Variants in ZNF83 observed in about 807,000 individuals in gnomAD.
The protein encoded by ZNF83 is zinc finger protein 816B.
For synonymous variants in ZNF83, 209 were observed against 213.0 expected, an observed-to-expected ratio of 0.98 and a Z score of 0.17; for missense variants, 552 against 629.9, an observed-to-expected ratio of 0.88 and a Z score of 1.32.
chr19:52,634,690 T>G (rs6509658), intron 2 of ZNF83, among the ~76,000 whole-genome samples: 100,725 of 152,026 alleles, frequency 0.66, 33,965 homozygotes, highest in African/African-American at 0.72. Context: ...TCGTGGACAT[T>G]AATACGTGAC....
At chr19:52,648,817 C>T (rs79838449) in intron 3 of ZNF83, among the ~76,000 whole-genome samples, 18,651 of 152,146 alleles carry the variant, frequency 0.12, 1,276 homozygotes, top group Admixed American at 0.13. Context: ...CTAGTCACTA[C>T]GGAGTCTGAC....
At position 52,650,256 on chromosome 19, in the gene ZNF83, TC is replaced by T. The variant is rs1555787667; in HGVS notation, c.-74+5304del. 7.0e-4 allele frequency among the ~76,000 whole-genome samples: 104 copies of T among 148,250 alleles called. 2 individuals carry two copies. Among genetic ancestry groups the T allele is most frequent in the South Asian group, 1.3e-3 (6 of 4,744 alleles). On this transcript the variant is annotated intron_variant, in intron 3 of 5. Transcript: ENST00000594682. ...GACCAAAACATGAGCTTGTTACTTTTCTTTCTTTTTTTTTTTTGAGACAGAG... is the reference window on the plus strand; with the variant it reads ...GACCAAAACATGAGCTTGTTACTTTTTTTCTTTTTTTTTTTTGAGACAGAG...
chr19:52,666,377 A>T (rs1314716470), intron 1 of ZNF83, among the ~76,000 whole-genome samples: 2 of 152,020 alleles, frequency 1.3e-5, no homozygotes, highest in East Asian at 3.9e-4. Context: ...CTTCTCCATG[A>T]CCCTATAACA....
intron 3 of ZNF83, chr19:52,654,076 T>A: frequency 6.3e-7 from 1 of 1,597,682 alleles, no homozygotes; most frequent in East Asian, 2.2e-5. Flanking sequence ...AATTTTCCCT[T>A]CAGTCTGAAA....
At chr19:52,632,376 C>T (rs2061000862) in intron 2 of ZNF83, among the ~76,000 whole-genome samples, 1 of 152,164 alleles carries the variant, frequency 6.6e-6, no homozygotes, top group Admixed American at 6.5e-5. Flanking sequence ...CAGGCCTGTC[C>T]TCAGAATGCT....
At chr19:52,612,788 C>A in exon 3 of ZNF83, 1 of 499,196 alleles carries the variant, frequency 2.0e-6, no homozygotes, top group East Asian at 3.2e-5. Context: ...AGGTTTCTCA[C>A]CAGCAAGAAT....
chr19:52,653,587 C>T (rs910656744), intron 3 of ZNF83, among the ~76,000 whole-genome samples: 2 of 151,136 alleles, frequency 1.3e-5, no homozygotes, highest in African/African-American at 2.4e-5. Flanking sequence ...TCCAGTATGA[C>T]GTCTACGATG....
Position 52,614,166 on chromosome 19 carries a change from T to C in ZNF83, c.399A>G (p.Lys133=), listed in dbSNP as rs202100992. ...TTCTTTGATGACTTGCAAGGTTTGA[T>C]TTTTTATTGAAGATCTTGCCACATA... Residue 133 remains lysine (K), a synonymous_variant, in exon 3 of 3, where the codon AAA becomes AAG. Transcript: ENST00000301096. 1.8e-4 allele frequency: 298 copies of C among 1,614,142 alleles called. 1 individual carries two copies. In the East Asian group the frequency reaches 5.0e-3, roughly 27 times the overall value.
At chr19:52,664,588 A>T (rs879325600) in intron 1 of ZNF83, among the ~76,000 whole-genome samples, 1 of 152,168 alleles carries the variant, frequency 6.6e-6, no homozygotes, top group African/African-American at 2.4e-5. Flanking sequence ...AGTCCACGCC[A>T]TCTGCTTCTG....
At chr19:52,667,340 A>G (rs943406366) in intron 1 of ZNF83, among the ~76,000 whole-genome samples, 3 of 152,134 alleles carry the variant, frequency 2.0e-5, no homozygotes, top group African/African-American at 7.2e-5. Context: ...GTTTGCAACA[A>G]TTCAGAAAGT....
intron 2 of ZNF83, among the ~76,000 whole-genome samples, chr19:52,631,248 G>A (rs143247744): frequency 0.11 from 16,755 of 151,800 alleles, 1,127 homozygotes; most frequent in South Asian, 0.23. Flanking sequence ...CCTGCTGATC[G>A]TGTCCAATTA....
upstream of ZNF83, among the ~76,000 whole-genome samples, chr19:52,640,483 T>A (rs1383149554): frequency 6.6e-6 from 1 of 152,150 alleles, no homozygotes; most frequent in African/African-American, 2.4e-5. Context: ...TCCCATGAGG[T>A]CTTATCTCTG....
At chr19:52,647,739 C>T (rs1219536221) in intron 3 of ZNF83, among the ~76,000 whole-genome samples, 1 of 151,686 alleles carries the variant, frequency 6.6e-6, no homozygotes, top group African/African-American at 2.4e-5. Flanking sequence ...TACCTCTATT[C>T]CTTCTCTTCC....
At chr19:52,690,112 G>A (rs2062126342) in intron 1 of ZNF83, among the ~76,000 whole-genome samples, 1 of 152,000 alleles carries the variant, frequency 6.6e-6, no homozygotes, top group Non-Finnish European at 1.5e-5. Context: ...AGGTGCCCAC[G>A]GCGGGAATCC....
chr19:52,681,280 C>CAAA lies in ZNF83; in HGVS notation c.-283+9160_-283+9162dup, dbSNP rs56916405. On this transcript the variant is annotated intron_variant, in intron 1 of 5. Coordinates refer to the ZNF83 transcript ENST00000594682. ...CCTGGGTGACAGAGTGAGACTTTCTCAAAAAAAAAAAAAAAAAAAAAGCAA... is the reference window on the plus strand; with the variant it reads ...CCTGGGTGACAGAGTGAGACTTTCTCAAAAAAAAAAAAAAAAAAAAAAAAGCAA... 9.7e-3 allele frequency among the ~76,000 whole-genome samples: 731 copies of CAAA among 75,132 alleles called. 31 individuals carry two copies. The highest frequency in any genetic ancestry group is 0.025 in the East Asian group (53 of 2,160). 49.3% of individuals were successfully genotyped at this position (75,132 alleles called of 152,430 possible). A position where few individuals can be genotyped will look rare whatever the true frequency, so the allele number is the denominator to read the frequency against.
intron 1 of ZNF83, chr19:52,674,289 T>C (rs577051887): frequency 2.0e-5 from 3 of 152,262 alleles, no homozygotes; most frequent in South Asian, 2.1e-4. Flanking sequence ...ACCTCAACAA[T>C]ATAAAAGACC....
chr19:52,676,648 G>A (rs1246485523), intron 1 of ZNF83, among the ~76,000 whole-genome samples: 1 of 145,856 alleles, frequency 6.9e-6, no homozygotes, highest in Non-Finnish European at 1.5e-5. Flanking sequence ...CATTGAGAAC[G>A]GGCCAGGATG....
intron 2 of ZNF83, among the ~76,000 whole-genome samples, chr19:52,633,568 G>A (rs2061045393): frequency 6.6e-6 from 1 of 152,170 alleles, no homozygotes; most frequent in Non-Finnish European, 1.5e-5. Flanking sequence ...GACGCTTTAT[G>A]GCCAAGGGCC....
intron 1 of ZNF83, among the ~76,000 whole-genome samples, chr19:52,687,609 AT>A (rs1479741980): frequency 0.024 from 470 of 19,270 alleles, 11 homozygotes; most frequent in African/African-American, 0.17. Context: ...GTATATATAT[AT>A]AATGTGTATA....
Sources: gnomAD v4.1 joint callset for allele counts (sites outside exome capture counted in the v4.1 genomes callset) on GRCh38, gnomAD v4.1.1 for gene constraint, MANE v1.5 for transcripts, NCBI Gene and HGNC (gene_info 2026-07-23, HGNC 2026-07-21) for gene names.